Variants in HDAC4 observed in about 807,000 individuals in gnomAD.
HDAC4 encodes the protein histone deacetylase A.
In HDAC4, 16 loss-of-function variants were observed where a neutral mutation model predicts 135.1. That is an observed-to-expected ratio of 0.12 (90% CI 0.08 to 0.18). HDAC4 has a LOEUF of 0.18. HDAC4 is among the 10% of genes least tolerant of loss of function. HDAC4 has a pLI of 1.00. For synonymous variants in HDAC4, 685 were observed against 653.4 expected, an observed-to-expected ratio of 1.05 and a Z score of -0.74; for missense variants, 1,143 against 1,511.8, an observed-to-expected ratio of 0.76 and a Z score of 4.05.
chr2:239,374,827 T>C (rs915075686), intron 1 of HDAC4, among the ~76,000 whole-genome samples: 2 of 152,200 alleles, frequency 1.3e-5, no homozygotes, highest in Non-Finnish European at 1.5e-5. Flanking sequence ...CACCTAAACC[T>C]GGACGAGAGC....
intron 2 of HDAC4, among the ~76,000 whole-genome samples, chr2:239,347,763 C>A (rs948521420): frequency 6.6e-6 from 1 of 152,194 alleles, no homozygotes; most frequent in East Asian, 1.9e-4. Flanking sequence ...GATCTGCCCA[C>A]CTCGGCCTCT....
At chr2:239,357,970 T>C (rs1693618472) in intron 1 of HDAC4, among the ~76,000 whole-genome samples, 1 of 138,354 alleles carries the variant, frequency 7.2e-6, no homozygotes, top group African/African-American at 2.8e-5. Flanking sequence ...CAATGGGGAA[T>C]ATTATGAAAA....
At chr2:239,230,368 CAAAAA>C (rs56105562) in intron 3 of HDAC4, among the ~76,000 whole-genome samples, 5 of 79,384 alleles carry the variant, frequency 6.3e-5, no homozygotes, top group Admixed American at 1.5e-4. Context: ...AGCAAGCAAG[CAAAAA>C]AAAAAAAAAA....
At chr2:239,190,816 T>C (rs1416372520) in intron 3 of HDAC4, among the ~76,000 whole-genome samples, 1 of 152,242 alleles carries the variant, frequency 6.6e-6, no homozygotes, top group South Asian at 2.1e-4. Flanking sequence ...GAACAGAAGC[T>C]GAATCAATTT....
intron 3 of HDAC4, among the ~76,000 whole-genome samples, chr2:239,207,286 CAAT>C (rs1324443704): frequency 2.6e-5 from 4 of 151,902 alleles, no homozygotes; most frequent in Non-Finnish European, 4.4e-5. Context: ...CTTATTATGA[CAAT>C]AATAATACGA....
intron 2 of HDAC4, among the ~76,000 whole-genome samples, chr2:239,337,965 G>A (rs1692055621): frequency 6.6e-6 from 1 of 152,154 alleles, no homozygotes; most frequent in African/African-American, 2.4e-5. Flanking sequence ...AGAAAGAGGT[G>A]GATCTGGTCT....
chr2:239,139,611 G>A lies in HDAC4; in HGVS notation c.978+73C>T. ...GAAGAGTGAAGGGCAAGTGCAAAGTGGGGTCATTTCAAGCTCATCCGTCCC... is the reference window on the plus strand; with the variant it reads ...GAAGAGTGAAGGGCAAGTGCAAAGTAGGGTCATTTCAAGCTCATCCGTCCC... On this transcript the variant is annotated intron_variant, in intron 9 of 26. Coordinates refer to ENST00000543185, the MANE Select transcript of HDAC4 (RefSeq NM_001378414.1). This position sits in a 1 kb window ranked among gnomAD's most constrained non-coding sequence, Gnocchi z 5.3. The A allele has an allele frequency of 7.6e-7, 1 of 1,317,238 alleles. No individual in the cohort carries two copies. The highest frequency in any genetic ancestry group is 1.1e-6 in the Non-Finnish European group (1 of 909,544). 81.6% of individuals were successfully genotyped at this position (1,317,238 alleles called of 1,614,324 possible). A position where few individuals can be genotyped will look rare whatever the true frequency, so the allele number is the denominator to read the frequency against.
chr2:239,302,866 C>T (rs1173555857), intron 2 of HDAC4, among the ~76,000 whole-genome samples: 1 of 152,230 alleles, frequency 6.6e-6, no homozygotes, highest in Non-Finnish European at 1.5e-5. Flanking sequence ...AGGCTCTCAC[C>T]CATAGGAGGG....
chr2:239,142,905 C>T (rs1421789712), intron 8 of HDAC4, among the ~76,000 whole-genome samples: 7 of 145,220 alleles, frequency 4.8e-5, no homozygotes, highest in Non-Finnish European at 8.9e-5. Context: ...CAGCAATGAT[C>T]GTGCCCTGTC....
chr2:239,361,142 G>A (rs72994567), intron 1 of HDAC4, among the ~76,000 whole-genome samples: 31,221 of 151,762 alleles, frequency 0.21, 3,419 homozygotes, highest in Middle Eastern at 0.22. Flanking sequence ...ATTATCTGTC[G>A]GCCCCTCTGC....
chr2:239,298,061 C>T (rs1293266621), intron 2 of HDAC4: 8 of 518,114 alleles, frequency 1.5e-5, no homozygotes, highest in African/African-American at 5.9e-5. Flanking sequence ...GAAGAGATAC[C>T]TGTGTGTCAT....
At chr2:239,357,532 A>T (rs1224342576) in intron 1 of HDAC4, among the ~76,000 whole-genome samples, 1 of 152,018 alleles carries the variant, frequency 6.6e-6, no homozygotes, top group Non-Finnish European at 1.5e-5. Flanking sequence ...AGACTATAAA[A>T]TTGATAAACT....
intron 24 of HDAC4, among the ~76,000 whole-genome samples, chr2:239,056,265 A>G (rs1393334271): frequency 6.6e-6 from 1 of 152,248 alleles, no homozygotes; most frequent in Non-Finnish European, 1.5e-5. Flanking sequence ...AGCCTGGGTC[A>G]GGAGGGATGA....
intron 2 of HDAC4, among the ~76,000 whole-genome samples, chr2:239,263,243 A>G (rs1293502689): frequency 6.7e-6 from 1 of 149,872 alleles, no homozygotes; most frequent in South Asian, 2.2e-4. Context: ...CACATCAGCC[A>G]TCCCGAAGCC....
intron 7 of HDAC4, among the ~76,000 whole-genome samples, chr2:239,151,289 C>T (rs566999760): frequency 3.9e-5 from 6 of 152,302 alleles, no homozygotes; most frequent in Admixed American, 1.3e-4. Flanking sequence ...GGATGCCCAC[C>T]GCCCCACCTT....
intron 12 of HDAC4, among the ~76,000 whole-genome samples, chr2:239,116,561 T>C (rs3791421): frequency 0.84 from 127,263 of 152,218 alleles, 53,298 homozygotes; most frequent in South Asian, 0.9. Flanking sequence ...GCATGGCTCC[T>C]GGGAGGCCCC....
At chr2:239,369,643 C>T (rs750231506) in intron 1 of HDAC4, among the ~76,000 whole-genome samples, 4 of 152,192 alleles carry the variant, frequency 2.6e-5, no homozygotes, top group African/African-American at 9.7e-5. Context: ...TCCGCGTACA[C>T]GGTGTAGCTG....
At chr2:239,265,072 G>A (rs1340153029) in intron 2 of HDAC4, among the ~76,000 whole-genome samples, 1 of 152,118 alleles carries the variant, frequency 6.6e-6, no homozygotes, top group Non-Finnish European at 1.5e-5. Flanking sequence ...TGGGGGATGG[G>A]GGCCAAAGAG....
chr2:239,293,200 T>G (rs1228022275), intron 2 of HDAC4, among the ~76,000 whole-genome samples: 1 of 152,134 alleles, frequency 6.6e-6, no homozygotes, highest in Non-Finnish European at 1.5e-5. Context: ...GGGATACAAA[T>G]TCCCTGAAAT....
Sources: allele counts gnomAD v4.1 joint callset (sites outside exome capture counted in the v4.1 genomes callset), GRCh38; gene constraint gnomAD v4.1.1; non-coding constraint Gnocchi (gnomAD v3.1); transcripts MANE v1.5; gene names NCBI Gene and HGNC (gene_info 2026-07-23, HGNC 2026-07-21).